Variants in NRXN3 observed in about 807,000 individuals in gnomAD.
The protein encoded by NRXN3 is neurexin III.
Under a neutral mutation model 137.6 loss-of-function variants are expected in NRXN3, and 32 were observed. The observed-to-expected ratio is 0.23, with a 90% CI of 0.18 to 0.31. The LOEUF is 0.31. NRXN3 is among the 10% of genes least tolerant of loss of function. The pLI is 1.00. For synonymous variants in NRXN3, 798 were observed against 784.5 expected (o/e 1.02, Z -0.29); for missense variants, 1,574 against 2,062.5 (o/e 0.76, Z 4.59).
chr14:79,509,652 A>C (rs1428760804), intron 16 of NRXN3, among the ~76,000 whole-genome samples: 2 of 151,948 alleles, frequency 1.3e-5, no homozygotes, highest in Non-Finnish European at 2.9e-5. Flanking sequence ...CCACTAAAAA[A>C]GATATGTGAA....
At chr14:79,764,459 C>G (rs1190119991) in intron 19 of NRXN3, among the ~76,000 whole-genome samples, 1 of 152,086 alleles carries the variant, frequency 6.6e-6, no homozygotes, top group African/African-American at 2.4e-5. Flanking sequence ...GAGTAGAGAA[C>G]CAAGAGAATG....
At chr14:79,049,098 T>TAATAATAATAATAATTAATAATAATAC (rs1272827423) in intron 15 of NRXN3, among the ~76,000 whole-genome samples, 5 of 102,310 alleles carry the variant, frequency 4.9e-5, no homozygotes, top group African/African-American at 1.2e-4. Context: ...AATAATAATA[T>TAATAATAATAATAATTAATAATAATAC]GATGGGGTGT....
intron 4 of NRXN3, among the ~76,000 whole-genome samples, chr14:78,484,134 T>A (rs1260229545): frequency 2.0e-5 from 3 of 152,076 alleles, no homozygotes; most frequent in Non-Finnish European, 4.4e-5. Flanking sequence ...CTGCCAGGAA[T>A]GCAGAATGTT....
intron 15 of NRXN3, among the ~76,000 whole-genome samples, chr14:79,179,094 C>T (rs2062656460): frequency 6.6e-6 from 1 of 152,194 alleles, no homozygotes; most frequent in Non-Finnish European, 1.5e-5. Context: ...CTGCTGATAG[C>T]ACTCACTTCT....
chr14:78,512,959 A>G (rs2096136765), intron 4 of NRXN3, among the ~76,000 whole-genome samples: 1 of 152,196 alleles, frequency 6.6e-6, no homozygotes, highest in South Asian at 2.1e-4. Flanking sequence ...CCCCAGGCTT[A>G]GAGAAGTAAG....
intron 19 of NRXN3, among the ~76,000 whole-genome samples, chr14:79,709,140 C>T (rs117618941): frequency 2.0e-5 from 3 of 152,126 alleles, no homozygotes; most frequent in African/African-American, 4.8e-5. Context: ...TATCTCAGAT[C>T]GTGCACTTCT....
chr14:79,323,829 G>A (rs2090443080), intron 15 of NRXN3, among the ~76,000 whole-genome samples: 2 of 152,126 alleles, frequency 1.3e-5, no homozygotes, highest in Admixed American at 6.5e-5. Flanking sequence ...CTGCACTACA[G>A]CCTGGGCAAC....
chr14:78,179,011 AGACACCTGCTGACCCCTGAGCT>A (rs1468827163), intron 1 of NRXN3, among the ~76,000 whole-genome samples: 1 of 152,174 alleles, frequency 6.6e-6, no homozygotes, highest in Non-Finnish European at 1.5e-5. Flanking sequence ...CCACAGGGGA[AGACACCTGCTGACCCCTGAGCT>A]GGAGGGGTGC....
At chr14:78,495,019 C>A (rs2095748785) in intron 4 of NRXN3, among the ~76,000 whole-genome samples, 1 of 149,448 alleles carries the variant, frequency 6.7e-6, no homozygotes, top group African/African-American at 2.5e-5. Context: ...TAGTGGGCTT[C>A]TTTTCAAAAG....
intron 15 of NRXN3, among the ~76,000 whole-genome samples, chr14:79,131,859 G>T (rs563958297): frequency 1.9e-3 from 291 of 152,262 alleles, no homozygotes; most frequent in Non-Finnish European, 2.4e-3. Context: ...CTCTGAGCCA[G>T]GTGTGGGATA....
intron 4 of NRXN3, among the ~76,000 whole-genome samples, chr14:78,462,086 C>G (rs959476422): frequency 7.2e-5 from 11 of 152,152 alleles, no homozygotes; most frequent in Non-Finnish European, 1.2e-4. Flanking sequence ...GGTGAAGCCC[C>G]AAGCACAATG....
intron 6 of NRXN3, among the ~76,000 whole-genome samples, chr14:78,675,406 A>C (rs902945392): frequency 4.6e-5 from 7 of 152,212 alleles, no homozygotes; most frequent in Admixed American, 4.6e-4. Flanking sequence ...AAGGAGTCAA[A>C]GGAAGAAGAG....
chr14:78,300,445 C>T (rs984830124), intron 4 of NRXN3, among the ~76,000 whole-genome samples: 4 of 152,216 alleles, frequency 2.6e-5, no homozygotes, highest in Admixed American at 1.3e-4. Context: ...CTGGTCACAG[C>T]GTTTACTGCT....
intron 4 of NRXN3, among the ~76,000 whole-genome samples, chr14:78,512,274 C>T (rs2096123678): frequency 6.6e-6 from 1 of 152,148 alleles, no homozygotes; most frequent in Non-Finnish European, 1.5e-5. Flanking sequence ...AGCCAGCCTA[C>T]TCACAGAACT....
At chr14:78,793,405 A>G (rs549199768) in intron 8 of NRXN3, among the ~76,000 whole-genome samples, 3 of 152,298 alleles carry the variant, frequency 2.0e-5, no homozygotes, top group African/African-American at 7.2e-5. Flanking sequence ...AACCACCCTC[A>G]ATCTGCATCA....
chr14:79,663,428 T>C (rs1338828492), intron 16 of NRXN3, among the ~76,000 whole-genome samples: 1 of 152,100 alleles, frequency 6.6e-6, no homozygotes, highest in African/African-American at 2.4e-5. Context: ...GTCCAGTGTC[T>C]TGGTGTACTC....
At chr14:79,226,983 G>A (rs2071020296) in intron 15 of NRXN3, among the ~76,000 whole-genome samples, 1 of 151,242 alleles carries the variant, frequency 6.6e-6, no homozygotes, top group African/African-American at 2.4e-5. Context: ...ACCACACCCA[G>A]CTAATTTTTG....
At chr14:79,424,155 T>C (rs964178764) in intron 15 of NRXN3, among the ~76,000 whole-genome samples, 3 of 152,202 alleles carry the variant, frequency 2.0e-5, no homozygotes, top group Non-Finnish European at 4.4e-5. Context: ...ATAAAACATA[T>C]AGTTATTTAA....
At chr14:79,410,852 C>G (rs1428101299) in intron 15 of NRXN3, among the ~76,000 whole-genome samples, 3 of 152,090 alleles carry the variant, frequency 2.0e-5, no homozygotes, top group African/African-American at 7.2e-5. Flanking sequence ...AAGCTCGCCA[C>G]AAAATTTGAT....
Sources: gnomAD v4.1 joint callset for allele counts (sites outside exome capture counted in the v4.1 genomes callset) on GRCh38, gnomAD v4.1.1 for gene constraint, MANE v1.5 for transcripts, NCBI Gene and HGNC (gene_info 2026-07-23, HGNC 2026-07-21) for gene names.